RIOK2: variants seen among roughly 807,000 people sequenced by gnomAD.
The protein encoded by RIOK2 is serine/threonine-protein kinase RIO2.
RIOK2 carries 46 observed loss-of-function variants against 62.4 expected under a neutral mutation model. The ratio of observed to expected loss-of-function variants is 0.74; its 90% CI spans 0.58 to 0.94. The LOEUF (loss-of-function observed/expected upper bound fraction) is 0.94. Among genes scored for constraint, RIOK2 ranks in the 40% least tolerant of loss-of-function variants. RIOK2 has a pLI of 0.00. For synonymous variants in RIOK2, 197 were observed against 216.0 expected (o/e 0.91, Z 0.77); for missense variants, 574 against 658.0 (o/e 0.87, Z 1.40).
At chr5:97,166,939 G>A (rs997184563) in intron 8 of RIOK2, 68 of 935,026 alleles carry the variant, frequency 7.3e-5, no homozygotes, top group Non-Finnish European at 8.6e-5. Flanking sequence ...TTTTGAGACG[G>A]AGTTTTTTGC....
rs183401990 is a variant in RIOK2, at chr5:97,179,555, G to A, written c.67-362C>T. 8.2e-4 allele frequency among the ~76,000 whole-genome samples: 124 copies of A among 151,400 alleles called. No homozygotes were observed. The East Asian group carries it at 0.023, about 28-fold the overall frequency. ...AAGTACTACATGTAGGCATCGTAGA[G>A]GATATATATATATATATGAATGATA... On this transcript the variant is annotated intron_variant, in intron 1 of 9. Transcript: ENST00000283109.
chr5:97,166,858 C>T, intron 8 of RIOK2: 1 of 982,328 alleles, frequency 1.0e-6, no homozygotes. Context: ...ACTCATCCAT[C>T]TAAAACCTGA....
In RIOK2 at chr5:97,161,481, CTA is replaced by C. The variant is rs895771336; in HGVS notation, c.*1578_*1579del. On this transcript the variant is annotated 3_prime_UTR_variant, in exon 10 of 10. Coordinates refer to ENST00000283109, the MANE Select transcript of RIOK2 (RefSeq NM_018343.3). ...ACCAAAACAACATATCCAAAAAAAA[CTA>C]AATTCCTTAACAGATCATTTATTAG... is the stretch of plus-strand genomic sequence containing the variant. The C allele has an allele frequency of 3.9e-5, 6 of 152,184 alleles. No individual in the cohort carries two copies. Among genetic ancestry groups the C allele is most frequent in the African/African-American group, 1.4e-4 (6 of 41,530 alleles). 9.4% of individuals were successfully genotyped at this position (152,184 alleles called of 1,614,324 possible).
At chr5:97,180,472 T>C (rs1023148797) in intron 1 of RIOK2, among the ~76,000 whole-genome samples, 6 of 151,404 alleles carry the variant, frequency 4.0e-5, no homozygotes, top group African/African-American at 1.5e-4. Flanking sequence ...TCAGATGGGA[T>C]AGCATATAGA....
Position 97,166,714 on chromosome 5 carries a change from C to T in RIOK2, c.1397+753G>A, listed in dbSNP as rs953150270. ...CTACACATGAACAAAGGATAGAAGG[C>T]TCAAGGTACTAGAGAAAATTCACTG... On this transcript the variant is annotated intron_variant, in intron 8 of 9. Coordinates refer to ENST00000283109, the MANE Select transcript of RIOK2 (RefSeq NM_018343.3). 4 of 942,568 alleles carry T rather than the reference C, an allele frequency of 4.2e-6. No homozygotes were observed. In the South Asian group the frequency reaches 1.9e-4, roughly 46 times the overall value. The allele number at this position is 942,568 out of a possible 1,614,324, so 58.4% of individuals were successfully genotyped here.
At chr5:97,180,162 G>GTATATATATATATGTATATA (rs1749365102) in intron 1 of RIOK2, among the ~76,000 whole-genome samples, 5 of 66,092 alleles carry the variant, frequency 7.6e-5, no homozygotes, top group African/African-American at 1.1e-4. Context: ...ATATATATAT[G>GTATATATATATATGTATATA]TGCTTTTTAC....
At chr5:97,171,830 G>A (rs978415282) in intron 5 of RIOK2, among the ~76,000 whole-genome samples, 23 of 152,048 alleles carry the variant, frequency 1.5e-4, no homozygotes, top group Non-Finnish European at 2.4e-4. Context: ...TAGCATGTAC[G>A]GGCCAGGCGC....
intron 4 of RIOK2, among the ~76,000 whole-genome samples, chr5:97,175,351 T>C (rs994090232): frequency 1.1e-4 from 16 of 152,206 alleles, no homozygotes; most frequent in Non-Finnish European, 2.2e-4. Flanking sequence ...AACTTAAAGA[T>C]TGTGAATATT....
intron 5 of RIOK2, among the ~76,000 whole-genome samples, chr5:97,172,687 T>C (rs116667256): frequency 0.011 from 1,679 of 152,326 alleles, 42 homozygotes; most frequent in African/African-American, 0.039. Context: ...CCCACTCCAA[T>C]AGCTGCTAAT....
At chr5:97,165,602 T>C (rs1748823918) in intron 8 of RIOK2, among the ~76,000 whole-genome samples, 1 of 152,228 alleles carries the variant, frequency 6.6e-6, no homozygotes, top group Admixed American at 6.5e-5. Context: ...TAGAGACTAA[T>C]GTTTTTCACA....
At chr5:97,174,097 C>A (rs997370385) in intron 4 of RIOK2, among the ~76,000 whole-genome samples, 2 of 152,164 alleles carry the variant, frequency 1.3e-5, no homozygotes, top group Non-Finnish European at 2.9e-5. Context: ...ACCAGACTAA[C>A]CTGCTGATGT....
chr5:97,173,842 A>C (rs1215456222), intron 4 of RIOK2, among the ~76,000 whole-genome samples: 1 of 152,212 alleles, frequency 6.6e-6, no homozygotes, highest in Non-Finnish European at 1.5e-5. Flanking sequence ...TCAAGTGTTA[A>C]GACTCTCCAT....
intron 1 of RIOK2, among the ~76,000 whole-genome samples, chr5:97,180,849 TG>T (rs1749388125): frequency 6.6e-6 from 1 of 152,016 alleles, no homozygotes; most frequent in Non-Finnish European, 1.5e-5. Context: ...AAGCCACAAT[TG>T]GAAGTGATGA....
intron 4 of RIOK2, among the ~76,000 whole-genome samples, chr5:97,173,855 A>G (rs1749085901): frequency 6.6e-6 from 1 of 152,178 alleles, no homozygotes; most frequent in Non-Finnish European, 1.5e-5. Flanking sequence ...CTCTCCATAC[A>G]TCTTTTCCCC....
intron 4 of RIOK2, 168 bp downstream of exon 4, chr5:97,176,948 A>T (rs898301772): frequency 1.7e-5 from 10 of 603,338 alleles, no homozygotes; most frequent in East Asian, 5.8e-5. Context: ...AAATCACTTA[A>T]AAGAGCCCAA....
chr5:97,167,049 T>C lies in RIOK2; in HGVS notation c.1397+418A>G, dbSNP rs145313931. The C allele has an allele frequency of 9.7e-3, 4,289 of 440,202 alleles. 166 individuals are homozygous for C. The highest frequency in any genetic ancestry group is 0.086 in the African/African-American group (3,988 of 46,628). 27.3% of individuals were successfully genotyped at this position (440,202 alleles called of 1,614,324 possible). On this transcript the variant is annotated intron_variant, in intron 8 of 9. Transcript: ENST00000283109. ...CTCCTGCCTCAGTCTCCCAAGTAGC[T>C]GGGATTACAAGCACAGGCCACCATG... is the stretch of plus-strand genomic sequence containing the variant.
Position 97,162,607 on chromosome 5 carries a change from A to G in RIOK2, c.*454T>C, listed in dbSNP as rs961604777. ...CTTCCAAAGGCTTATCTTTACTTCT[A>G]AAGAAAAATAAGACAGTGAAGTCCT... On this transcript the variant is annotated 3_prime_UTR_variant, in exon 10 of 10. Transcript: ENST00000283109. The G allele has an allele frequency of 6.5e-6, 1 of 154,258 alleles. No individual in the cohort carries two copies. The highest frequency in any genetic ancestry group is 1.4e-5 in the Non-Finnish European group (1 of 69,592). 9.6% of individuals were successfully genotyped at this position (154,258 alleles called of 1,614,324 possible). A position where few individuals can be genotyped will look rare whatever the true frequency, so the allele number is the denominator to read the frequency against.
At chr5:97,175,522 C>A (rs1184374726) in intron 4 of RIOK2, among the ~76,000 whole-genome samples, 1 of 152,166 alleles carries the variant, frequency 6.6e-6, no homozygotes, top group African/African-American at 2.4e-5. Flanking sequence ...ACACCTACTA[C>A]CCTTTTGGGA....
At chr5:97,180,153 T>TAC (rs1459980942) in intron 1 of RIOK2, among the ~76,000 whole-genome samples, 2 of 132,036 alleles carry the variant, frequency 1.5e-5, no homozygotes, top group African/African-American at 5.6e-5. Flanking sequence ...TATATATATA[T>TAC]ATATATATGT....
Sources: allele counts gnomAD v4.1 joint callset (sites outside exome capture counted in the v4.1 genomes callset), GRCh38; gene constraint gnomAD v4.1.1; transcripts MANE v1.5; gene names NCBI Gene and HGNC (gene_info 2026-07-23, HGNC 2026-07-21).